PXK: variants seen among roughly 807,000 people sequenced by gnomAD.
The protein encoded by PXK is PX domain-containing protein kinase-like protein.
A neutral mutation model predicts 84.7 loss-of-function variants in PXK; 35 were observed. The ratio of observed to expected loss-of-function variants is 0.41; its 90% CI spans 0.32 to 0.55. The LOEUF is 0.55. PXK is among the 20% of genes least tolerant of loss of function. The pLI, the probability that PXK is intolerant of heterozygous loss-of-function variation, is 0.21. For synonymous variants in PXK, 253 were observed against 260.8 expected, an observed-to-expected ratio of 0.97 and a Z score of 0.29; for missense variants, 634 against 699.7, an observed-to-expected ratio of 0.91 and a Z score of 1.06.
chr3:58,388,684 GTTTTC>G (rs1212056093), intron 4 of PXK, among the ~76,000 whole-genome samples: 1 of 151,882 alleles, frequency 6.6e-6, no homozygotes, highest in East Asian at 1.9e-4. Flanking sequence ...CACATCACAT[GTTTTC>G]TTCTGAGTAG....
intron 17 of PXK, chr3:58,422,770 C>T: frequency 1.0e-6 from 1 of 985,342 alleles, no homozygotes; most frequent in Non-Finnish European, 1.2e-6. Flanking sequence ...CGTCTCCAGC[C>T]CCCCAAAATC....
At chr3:58,396,613 G>A (rs937787371) in intron 9 of PXK, among the ~76,000 whole-genome samples, 2 of 152,238 alleles carry the variant, frequency 1.3e-5, no homozygotes, top group African/African-American at 4.8e-5. Context: ...GACTGAACTA[G>A]AGATGTTTTC....
At chr3:58,423,175 G>A (rs1219802357) in intron 17 of PXK, 1 of 984,978 alleles carries the variant, frequency 1.0e-6, no homozygotes, top group Non-Finnish European at 1.2e-6. Flanking sequence ...CCTCTTCAGA[G>A]GAATGCTCAT....
At chr3:58,335,800 G>A (rs1470168525) in intron 1 of PXK, among the ~76,000 whole-genome samples, 1 of 151,856 alleles carries the variant, frequency 6.6e-6, no homozygotes, top group Admixed American at 6.6e-5. Context: ...GTTTAGTTTT[G>A]TCATCTGTAA....
chr3:58,348,375 T>C (rs74582019), intron 1 of PXK, among the ~76,000 whole-genome samples: 2,150 of 152,274 alleles, frequency 0.014, 62 homozygotes, highest in African/African-American at 0.049. Flanking sequence ...GACAATGATT[T>C]GTGTGACCGT....
chr3:58,409,833 G>T lies in PXK; in HGVS notation c.1395+215G>T, dbSNP rs181918240. On this transcript the variant is annotated intron_variant, in intron 15 of 17. Coordinates refer to ENST00000356151, the MANE Select transcript of PXK (RefSeq NM_017771.5). This position sits in a 1 kb window ranked among gnomAD's most constrained non-coding sequence, Gnocchi z 4.2. ...AATAGCCCATGTAGTTTCCTAGCTT[G>T]CTGGGCAGATTATGGCGTAATGTAA... 8.0e-4 allele frequency among the ~76,000 whole-genome samples: 122 copies of T among 152,122 alleles called. 2 individuals are homozygous for T. The highest frequency in any genetic ancestry group is 2.7e-3 in the African/African-American group (110 of 41,492).
intron 17 of PXK, among the ~76,000 whole-genome samples, chr3:58,415,867 C>G (rs1433856935): frequency 6.6e-6 from 1 of 152,172 alleles, no homozygotes; most frequent in Non-Finnish European, 1.5e-5. Flanking sequence ...AATCAGTACA[C>G]CGAGGTTGCA....
rs2061885145 is a variant in PXK, at chr3:58,421,677, C to T, written c.1529-3075C>T. The T allele has an allele frequency of 1.0e-6, 1 of 988,282 alleles. No individual in the cohort carries two copies. The highest frequency in any genetic ancestry group is 1.2e-6 in the Non-Finnish European group (1 of 830,288). The allele number at this position is 988,282 out of a possible 1,614,324, so 61.2% of individuals were successfully genotyped here. A position where few individuals can be genotyped will look rare whatever the true frequency, so the allele number is the denominator to read the frequency against. ...GGCATTCCTCCCTAGATCTGACCTA[C>T]GCTCTCCCTGCAGCATTCTCTGCCC... is the stretch of plus-strand genomic sequence containing the variant. On this transcript the variant is annotated intron_variant, in intron 17 of 17. Coordinates refer to ENST00000356151, the MANE Select transcript of PXK (RefSeq NM_017771.5). The surrounding 1 kb of genome is among the most constrained non-coding windows in gnomAD (Gnocchi z 5.5).
At chr3:58,376,141 G>A (rs1204949203) in intron 3 of PXK, among the ~76,000 whole-genome samples, 6 of 152,178 alleles carry the variant, frequency 3.9e-5, no homozygotes, top group Non-Finnish European at 8.8e-5. Flanking sequence ...CTGGCCGGGC[G>A]TGGTGGCTCA....
chr3:58,422,600 C>T, intron 17 of PXK: 1 of 985,422 alleles, frequency 1.0e-6, no homozygotes, highest in Non-Finnish European at 1.2e-6. Context: ...ATGTACTGAA[C>T]CCCACCCTCA....
intron 12 of PXK, 36 bp from the exon 13 acceptor site, chr3:58,403,826 T>C (rs2058983228): frequency 6.9e-7 from 1 of 1,458,946 alleles, no homozygotes; most frequent in Non-Finnish European, 9.4e-7. Context: ...TGCACGTGGT[T>C]CAAGAAAGAT....
rs138569715 is a variant in PXK, at chr3:58,411,054, A to G, written c.1465+895A>G. Among the ~76,000 whole-genome samples, 23 of 152,278 alleles carry G rather than the reference A, an allele frequency of 1.5e-4. No individual in the cohort carries two copies. The highest frequency in any genetic ancestry group is 5.3e-4 in the African/African-American group (22 of 41,556). On this transcript the variant is annotated intron_variant, in intron 16 of 17. Coordinates refer to ENST00000356151, the MANE Select transcript of PXK (RefSeq NM_017771.5). The surrounding 1 kb of genome is among the most constrained non-coding windows in gnomAD (Gnocchi z 4.2). ...TGAGGAAACCCATGCATCTCTTCCT[A>G]GCGGTAGGATTTGGTGTGGGCAGGT... is the stretch of plus-strand genomic sequence containing the variant.
At chr3:58,384,293 C>T (rs934873220) in intron 4 of PXK, among the ~76,000 whole-genome samples, 19 of 152,188 alleles carry the variant, frequency 1.2e-4, no homozygotes, top group African/African-American at 3.6e-4. Context: ...GTGATTTGCA[C>T]GCACATTAAA....
chr3:58,395,149 G>C (rs2057445890), intron 8 of PXK, 47 bp downstream of exon 8: 1 of 1,406,598 alleles, frequency 7.1e-7, no homozygotes, highest in East Asian at 2.3e-5. Context: ...AGTTCCTTTA[G>C]AACCTGTTAT....
intron 13 of PXK, among the ~76,000 whole-genome samples, chr3:58,404,996 A>G (rs2059166521): frequency 6.6e-6 from 1 of 152,226 alleles, no homozygotes; most frequent in South Asian, 2.1e-4. Context: ...AGCCTTGTCA[A>G]TAAATATATT....
chr3:58,391,603 G>A (rs967599214), intron 6 of PXK, among the ~76,000 whole-genome samples, 170 bp from the exon 7 acceptor site: 2 of 152,062 alleles, frequency 1.3e-5, no homozygotes, highest in African/African-American at 2.4e-5. Flanking sequence ...AGTTAAGTCT[G>A]GTATTTTTAC....
chr3:58,397,916 C>T lies in PXK; in HGVS notation c.1102+194C>T, dbSNP rs546963700. ...TCTGTGAAAATTCAGGTGGCTTGTC[C>T]ATTTGCCAGGCTATCTGAAATTTCT... On this transcript the variant is annotated intron_variant, in intron 11 of 17. Coordinates refer to ENST00000356151, the MANE Select transcript of PXK (RefSeq NM_017771.5). The surrounding 1 kb of genome is among the most constrained non-coding windows in gnomAD (Gnocchi z 4.7). Among the ~76,000 whole-genome samples, 2 of 152,166 alleles carry T rather than the reference C, an allele frequency of 1.3e-5. No homozygotes were observed. The highest frequency in any genetic ancestry group is 2.9e-5 in the Non-Finnish European group (2 of 68,038).
At chr3:58,335,180 G>C (rs1237855711) in intron 1 of PXK, among the ~76,000 whole-genome samples, 3 of 152,062 alleles carry the variant, frequency 2.0e-5, no homozygotes, top group Admixed American at 6.6e-5. Context: ...TGGCCCTGCA[G>C]ATCTTTTCTT....
chr3:58,399,943 A>T lies in PXK; in HGVS notation c.1181+566A>T, dbSNP rs532445053. Among the ~76,000 whole-genome samples the T allele has an allele frequency of 1.3e-5, 2 of 152,088 alleles. No homozygotes were observed. The highest frequency in any genetic ancestry group is 2.9e-5 in the Non-Finnish European group (2 of 68,000). On this transcript the variant is annotated intron_variant, in intron 12 of 17. Coordinates refer to ENST00000356151, the MANE Select transcript of PXK (RefSeq NM_017771.5). The surrounding 1 kb of genome is among the most constrained non-coding windows in gnomAD (Gnocchi z 4.3). ...AAGACATTTTCTCTGAAACTGGATT[A>T]TGAGTAGATAACCAGGGCAGCTGAA...
Sources: gnomAD v4.1 joint callset for allele counts (sites outside exome capture counted in the v4.1 genomes callset) on GRCh38, gnomAD v4.1.1 for gene constraint, Gnocchi (gnomAD v3.1) non-coding constraint, MANE v1.5 for transcripts, NCBI Gene and HGNC (gene_info 2026-07-23, HGNC 2026-07-21) for gene names.